Variants in SZT2 observed in about 807,000 individuals in gnomAD.
SZT2 encodes the protein SZT2 subunit of KICSTOR complex.
A neutral mutation model predicts 404.2 loss-of-function variants in SZT2; 216 were observed. That is an observed-to-expected ratio of 0.53 (90% CI 0.48 to 0.60). The LOEUF is 0.60. SZT2 is among the 20% of genes least tolerant of loss of function. The pLI is 0.00. For missense variants in SZT2, 3,857 were observed against 4,459.2 expected (o/e 0.86, Z 3.85); for synonymous variants, 1,693 against 1,749.9 (o/e 0.97, Z 0.81).
At position 43,426,591 on chromosome 1, in the gene SZT2, C is replaced by A. The variant is rs941355672; in HGVS notation, c.3214+53C>A. Reference sequence around the variant, plus strand: ...AGACCCTGGCCCAGCCCTTTTCCCCCACCCTCACAGGGTGATTTCTGTCTT... The same window carrying A: ...AGACCCTGGCCCAGCCCTTTTCCCCAACCCTCACAGGGTGATTTCTGTCTT... On this transcript the variant is annotated intron_variant, in intron 22 of 71. Transcript: ENST00000634258. This position sits in a 1 kb window ranked among gnomAD's most constrained non-coding sequence, Gnocchi z 4.9. The A allele has an allele frequency of 2.0e-6, 3 of 1,513,022 alleles. No individual in the cohort carries two copies. Among genetic ancestry groups the A allele is most frequent in the Non-Finnish European group, 1.8e-6 (2 of 1,127,740 alleles). 93.7% of individuals were successfully genotyped at this position (1,513,022 alleles called of 1,614,324 possible).
In SZT2 at chr1:43,404,699, T is replaced by A. The variant is rs1256007209; in HGVS notation, c.498+149T>A. The A allele has an allele frequency of 6.7e-6, 5 of 748,372 alleles. No homozygotes were observed. The Admixed American group carries it at 8.9e-5, about 13-fold the overall frequency. The allele number at this position is 748,372 out of a possible 1,614,324, so 46.4% of individuals were successfully genotyped here. ...TGTTTTCTAGTCATCCTCATGAGTC[T>A]CTCTCTCCTTGAGAAGAACCAGTTC... On this transcript the variant is annotated intron_variant, in intron 4 of 71. Transcript: ENST00000634258.
In SZT2 at chr1:43,433,062, A is replaced by T. The variant is rs200409648; in HGVS notation, c.5676A>T (p.Thr1892=). ...CCCTTGGTGAGAAGGCCCCCTTCAC[A>T]TTGCGGACTCCACCTGGGCCAGCAC... ...NDTLGEKAPF[T]LRTPPGPAPP... Residue 1892 remains threonine, a synonymous_variant, in exon 40 of 72, where the codon ACA becomes ACT. Transcript: ENST00000634258. 3 of 1,614,088 alleles carry T rather than the reference A, an allele frequency of 1.9e-6. No individual in the cohort carries two copies. In the South Asian group the frequency reaches 3.3e-5, roughly 18 times the overall value.
chr1:43,412,073 C>G (rs148425340), intron 4 of SZT2: 1 of 151,826 alleles, frequency 6.6e-6, no homozygotes, highest in East Asian at 2.0e-4. Flanking sequence ...CCACCACACC[C>G]GGCGACTTCA....
In SZT2 at chr1:43,432,750, G is replaced by A; in HGVS notation, c.5553G>A (p.Arg1851=). The A allele has an allele frequency of 6.2e-7, 1 of 1,613,966 alleles. No homozygotes were observed. The highest frequency in any genetic ancestry group is 8.5e-7 in the Non-Finnish European group (1 of 1,179,956). The change falls in exon 39 of 72, where the codon CGG becomes CGA. Residue 1851 remains arginine (R), a synonymous_variant. Transcript: ENST00000634258. ...CAGGGAGTCAGCCTGGGCCCAGCCG[G>A]GGATTAAGTCTCATGTCCAGTCAGG... is the stretch of plus-strand genomic sequence containing the variant. ...PQGGSQPGPS[R]GLSLMSSQGS... is the part of the protein sequence containing the mutation.
rs1479395112 is a variant in SZT2 at position 43,423,194 on chromosome 1, A to G, written c.2133A>G (p.Leu711=). The G allele has an allele frequency of 4.4e-6, 7 of 1,597,704 alleles. No homozygotes were observed. Among genetic ancestry groups the G allele is most frequent in the South Asian group, 1.1e-5 (1 of 90,978 alleles). ...EPTPKVKRKG[L]GGAGGGSSPS... ...CGCCCAAGGTGAAACGAAAAGGGCT[A>G]GGGGGTGCTGGTGGGGGCAGCTCTC... The change falls in exon 15 of 72, where the codon CTA becomes CTG. Residue 711 remains leucine (L), a synonymous_variant. Transcript: ENST00000634258.
At position 43,427,409 on chromosome 1, in the gene SZT2, T is replaced by C; in HGVS notation, c.3562T>C (p.Ser1188Pro). 6.2e-7 allele frequency: 1 copy of C among 1,613,562 alleles called. No individual in the cohort carries two copies. The highest frequency in any genetic ancestry group is 8.5e-7 in the Non-Finnish European group (1 of 1,179,770). ...LGGTGIKATKSHVPVLSVTLA... is the reference protein window; with the variant it reads ...LGGTGIKATKPHVPVLSVTLA... ...AGGAACTGGGATCAAAGCTACAAAG[T>C]CCCACGTCCCTGTCCTCAGTGTGAC... The change falls in exon 25 of 72, where the codon TCC (serine) becomes CCC (proline). Residue 1188 changes from serine (S) to proline (P), a missense_variant. This residue lies in a region of SZT2 where 1,725 missense variants were observed against 1,881.0 expected (regional missense o/e 0.92). Coordinates refer to ENST00000634258, the MANE Select transcript of SZT2 (RefSeq NM_001365999.1).
Position 43,430,071 on chromosome 1 carries a change from T to C in SZT2, c.4369T>C (p.Phe1457Leu). Residue 1457 changes from phenylalanine (F) to leucine (L), a missense_variant, in exon 30 of 72, where the codon TTC (phenylalanine) becomes CTC (leucine). Coordinates refer to ENST00000634258, the MANE Select transcript of SZT2 (RefSeq NM_001365999.1). Reference protein sequence around the residue: ...FRTVPSNPHYFFYCPPSSRRE... With the variant: ...FRTVPSNPHYLFYCPPSSRRE... ...CACAGTGCCTTCCAATCCCCACTAC[T>C]TCTTCTATTGCCCTCCATCCAGCAG... 1 of 1,614,156 alleles carries C rather than the reference T, an allele frequency of 6.2e-7. No homozygotes were observed. Among genetic ancestry groups the C allele is most frequent in the Non-Finnish European group, 8.5e-7 (1 of 1,180,030 alleles).
At position 43,448,602 on chromosome 1, in the gene SZT2, C is replaced by A; in HGVS notation, c.9970-10C>A. The stretch of plus-strand genomic sequence containing the variant: ...GCACAGAAGACTCAGGCCTGTGGCT[C>A]CTCCCTCAGGACTGCTTCCTATCCA... On this transcript the variant is annotated splice_polypyrimidine_tract_variant and intron_variant, in intron 69 of 71. Transcript: ENST00000634258. This position sits in a 1 kb window ranked among gnomAD's most constrained non-coding sequence, Gnocchi z 4.2. The A allele has an allele frequency of 6.2e-7, 1 of 1,613,814 alleles. No individual in the cohort carries two copies.
At chr1:43,417,352 G>A (rs1344259474) in intron 7 of SZT2, among the ~76,000 whole-genome samples, 2 of 152,166 alleles carry the variant, frequency 1.3e-5, no homozygotes, top group East Asian at 3.9e-4. Context: ...AGATGAGAGA[G>A]AAGCGGGCTT....
In SZT2 at chr1:43,420,085, T is replaced by C. The variant is rs1431159167; in HGVS notation, c.1091-68T>C. On this transcript the variant is annotated intron_variant, in intron 8 of 71. Transcript: ENST00000634258. The surrounding 1 kb of genome is among the most constrained non-coding windows in gnomAD (Gnocchi z 5.1). ...CTCACAGTCATTTCAGCATAGCCCCTTCCCCCTACAGATCTGTCAGTTGGC... is the reference window on the plus strand; with the variant it reads ...CTCACAGTCATTTCAGCATAGCCCCCTCCCCCTACAGATCTGTCAGTTGGC... 7.0e-6 allele frequency: 11 copies of C among 1,579,890 alleles called. No individual in the cohort carries two copies. The Admixed American group carries it at 1.9e-4, about 27-fold the overall frequency.
rs1338407143 is a variant in SZT2, at chr1:43,442,451, C to G, written c.7984C>G (p.Leu2662Val). 6.2e-7 allele frequency: 1 copy of G among 1,613,200 alleles called. No individual in the cohort carries two copies. The highest frequency in any genetic ancestry group is 1.7e-5 in the Admixed American group (1 of 59,954). The change falls in exon 58 of 72, where the codon CTG (leucine) becomes GTG (valine). Residue 2662 changes from leucine to valine, a missense_variant. Leu to Val is a conservative substitution (Grantham distance 32, BLOSUM62 1). Transcript: ENST00000634258. This position sits in a 1 kb window ranked among gnomAD's most constrained non-coding sequence, Gnocchi z 4.5. Reference sequence around the variant, plus strand: ...GACCCCCGACCTCCAGCTACAGCTGCTGACCTACAACTGGGCTCCAGACCT... The same window carrying G: ...GACCCCCGACCTCCAGCTACAGCTGGTGACCTACAACTGGGCTCCAGACCT... ...LEVVDKKLQL[L>V]TYNWAPDLGA...
rs187915382 is a variant in SZT2 at position 43,439,562 on chromosome 1, C to G, written c.6878-43C>G. The G allele has an allele frequency of 3.5e-4, 558 of 1,611,694 alleles. 4 individuals carry two copies. In the East Asian group the frequency reaches 0.012, roughly 35 times the overall value. Reference sequence around the variant, plus strand: ...AGTGGAGGGTCGTGGGAGGGGTGGTCTGCAAGTCCCAGAGCTGAGCCTTCC... The same window carrying G: ...AGTGGAGGGTCGTGGGAGGGGTGGTGTGCAAGTCCCAGAGCTGAGCCTTCC... On this transcript the variant is annotated intron_variant, in intron 49 of 71. Coordinates refer to ENST00000634258, the MANE Select transcript of SZT2 (RefSeq NM_001365999.1). This position sits in a 1 kb window ranked among gnomAD's most constrained non-coding sequence, Gnocchi z 4.2.
In SZT2 at chr1:43,431,089, C is replaced by A. The variant is rs753322092; in HGVS notation, c.4915C>A (p.Arg1639=). 13 of 1,611,834 alleles carry A rather than the reference C, an allele frequency of 8.1e-6. No homozygotes were observed. In the African/African-American group the frequency reaches 1.3e-4, roughly 17 times the overall value. Residue 1639 remains arginine (R), a splice_region_variant and synonymous_variant, in exon 33 of 72, where the codon CGG becomes AGG. Transcript: ENST00000634258. ...LPTASDPQHH[R]STSESSASFP... Reference sequence around the variant, plus strand: ...CACGGCCTCGGACCCTCAGCACCACCGGTGTGGCAGCAAGTTTGGTGGGGG... The same window carrying A: ...CACGGCCTCGGACCCTCAGCACCACAGGTGTGGCAGCAAGTTTGGTGGGGG...
rs1304692462 is a variant in SZT2 at position 43,424,961 on chromosome 1, C to CA, written c.2550+100dup. On this transcript the variant is annotated intron_variant, in intron 17 of 71. Transcript: ENST00000634258. This position sits in a 1 kb window ranked among gnomAD's most constrained non-coding sequence, Gnocchi z 4.1. ...GTTGGGACTGCTGGAAACTGCCTCA[C>CA]AGGGACCCTGTGGCCAGAGGATGCT... The CA allele has an allele frequency of 2.5e-5, 38 of 1,500,048 alleles. No homozygotes were observed. Among genetic ancestry groups the CA allele is most frequent in the Non-Finnish European group, 3.3e-5 (36 of 1,080,750 alleles). The allele number at this position is 1,500,048 out of a possible 1,614,324, so 92.9% of individuals were successfully genotyped here.
Position 43,450,338 on chromosome 1 carries a change from C to T in SZT2, c.10157C>T (p.Ser3386Phe). 1 of 1,614,102 alleles carries T rather than the reference C, an allele frequency of 6.2e-7. No homozygotes were observed. The highest frequency in any genetic ancestry group is 8.5e-7 in the Non-Finnish European group (1 of 1,180,000). ...VFLDSHLGKT[S>F]LTVVFREPFP... Reference sequence around the variant, plus strand: ...GCATCCCCACCGTGTTCCCCACAGTCTCTGACAGTGGTTTTCCGAGAGCCC... The same window carrying T: ...GCATCCCCACCGTGTTCCCCACAGTTTCTGACAGTGGTTTTCCGAGAGCCC... The change falls in exon 72 of 72, where the codon TCT becomes TTT. Residue 3386 changes from serine to phenylalanine, a missense_variant and splice_region_variant. Coordinates refer to ENST00000634258, the MANE Select transcript of SZT2 (RefSeq NM_001365999.1). The surrounding 1 kb of genome is among the most constrained non-coding windows in gnomAD (Gnocchi z 4.3).
chr1:43,442,225 A>T lies in SZT2; in HGVS notation c.7874-43A>T. ...AGAGGGGAGGGTGGGATCAAGGGGGATCTGTTCCCAGGCCCCTATTGTGCC... is the reference window on the plus strand; with the variant it reads ...AGAGGGGAGGGTGGGATCAAGGGGGTTCTGTTCCCAGGCCCCTATTGTGCC... On this transcript the variant is annotated intron_variant, in intron 56 of 71. Coordinates refer to ENST00000634258, the MANE Select transcript of SZT2 (RefSeq NM_001365999.1). This position sits in a 1 kb window ranked among gnomAD's most constrained non-coding sequence, Gnocchi z 4.5. 1 of 1,602,394 alleles carries T rather than the reference A, an allele frequency of 6.2e-7. No homozygotes were observed. The highest frequency in any genetic ancestry group is 8.5e-7 in the Non-Finnish European group (1 of 1,173,732).
At position 43,443,411 on chromosome 1, in the gene SZT2, C is replaced by A. The variant is rs558674367; in HGVS notation, c.8559C>A (p.Ala2853=). The A allele has an allele frequency of 3.7e-6, 6 of 1,614,218 alleles. No individual in the cohort carries two copies. Among genetic ancestry groups the A allele is most frequent in the Non-Finnish European group, 5.1e-6 (6 of 1,180,030 alleles). The part of the protein sequence containing the change: ...SSRLVHYCAT[A]MLFDPAAWLH... The stretch of plus-strand genomic sequence containing the variant: ...GCCTGGTGCATTACTGTGCAACAGC[C>A]ATGCTCTTCGACCCAGCTGCCTGGC... The change falls in exon 61 of 72, where the codon GCC becomes GCA. Residue 2853 remains alanine (A), a synonymous_variant. Coordinates refer to ENST00000634258, the MANE Select transcript of SZT2 (RefSeq NM_001365999.1).
intron 66 of SZT2, 105 bp from the exon 67 acceptor site, chr1:43,447,440 C>G: frequency 1.4e-6 from 2 of 1,465,944 alleles, no homozygotes; most frequent in Non-Finnish European, 1.8e-6. Flanking sequence ...CAGACCCACT[C>G]TGCCTGCCAG....
chr1:43,451,464 G>T lies in SZT2; in HGVS notation c.*984G>T. On this transcript the variant is annotated 3_prime_UTR_variant, in exon 72 of 72. Coordinates refer to ENST00000634258, the MANE Select transcript of SZT2 (RefSeq NM_001365999.1). ...CCTTTGTAGCCTTCATCTTCCAGCA[G>T]TTGAAACAGATAGGGGAAATTCAGC... 1 of 1,614,090 alleles carries T rather than the reference G, an allele frequency of 6.2e-7. No individual in the cohort carries two copies. Among genetic ancestry groups the T allele is most frequent in the East Asian group, 2.2e-5 (1 of 44,870 alleles).
Sources: allele counts gnomAD v4.1 joint callset (sites outside exome capture counted in the v4.1 genomes callset), GRCh38; gene constraint gnomAD v4.1.1; regional missense constraint gnomAD v4.1.1; non-coding constraint Gnocchi (gnomAD v3.1); transcripts MANE v1.5; gene names NCBI Gene and HGNC (gene_info 2026-07-23, HGNC 2026-07-21).